The following SORCS1 variants were observed in gnomAD, a reference collection of about 807,000 sequenced individuals.
The protein encoded by SORCS1 is sortilin related VPS10 domain containing receptor 1.
SORCS1 carries 60 observed loss-of-function variants against 146.1 expected under a neutral mutation model. The observed-to-expected ratio is 0.41, with a 90% CI of 0.33 to 0.51. The LOEUF is 0.51. Ranked by LOEUF, SORCS1 falls within the 20% of genes least tolerant of loss-of-function variation. The pLI, the probability that SORCS1 is intolerant of heterozygous loss-of-function variation, is 0.21. For synonymous variants in SORCS1, 637 were observed against 584.0 expected, an observed-to-expected ratio of 1.09 and a Z score of -1.31; for missense variants, 1,352 against 1,487.6, an observed-to-expected ratio of 0.91 and a Z score of 1.50.
intron 5 of SORCS1, among the ~76,000 whole-genome samples, chr10:106,744,009 A>G (rs10786968): frequency 0.23 from 34,239 of 152,054 alleles, 4,925 homozygotes; most frequent in East Asian, 0.49. Context: ...ATATTAGAAC[A>G]CACTGTTTTG....
intron 2 of SORCS1, among the ~76,000 whole-genome samples, chr10:106,839,895 A>C (rs1034766196): frequency 1.2e-4 from 19 of 152,354 alleles, no homozygotes; most frequent in Admixed American, 1.1e-3. Flanking sequence ...ATCTGTTTAC[A>C]GCATGGCTTA....
intron 2 of SORCS1, among the ~76,000 whole-genome samples, chr10:106,948,258 T>C (rs564670873): frequency 1.3e-5 from 2 of 149,918 alleles, no homozygotes; most frequent in African/African-American, 4.9e-5. Context: ...TGAATCTAGG[T>C]GGTATGTAAG....
At chr10:107,071,954 C>A (rs1198136686) in intron 1 of SORCS1, among the ~76,000 whole-genome samples, 1 of 152,144 alleles carries the variant, frequency 6.6e-6, no homozygotes, top group Non-Finnish European at 1.5e-5. Flanking sequence ...AGAGGAGAGA[C>A]CCAATGAGGT....
At chr10:106,651,310 G>A (rs1849845904) in intron 18 of SORCS1, among the ~76,000 whole-genome samples, 1 of 152,140 alleles carries the variant, frequency 6.6e-6, no homozygotes, top group Non-Finnish European at 1.5e-5. Flanking sequence ...TCACACTCCA[G>A]AGCCTCCGAC....
At chr10:107,128,937 A>G (rs751028499) in intron 1 of SORCS1, among the ~76,000 whole-genome samples, 1 of 152,216 alleles carries the variant, frequency 6.6e-6, no homozygotes, top group Non-Finnish European at 1.5e-5. Context: ...TCTTAATAAG[A>G]GGTCTGCCTA....
chr10:106,905,659 A>T (rs1951879693), intron 2 of SORCS1, among the ~76,000 whole-genome samples: 1 of 152,202 alleles, frequency 6.6e-6, no homozygotes, highest in African/African-American at 2.4e-5. Flanking sequence ...TGAGAGGGTT[A>T]GGGCTGTTTT....
chr10:106,882,698 G>T lies in SORCS1; in HGVS notation c.627-53025C>A, dbSNP rs563339906. The stretch of plus-strand genomic sequence containing the variant: ...ACACACATACACACACAATCTATTT[G>T]TGTGGAGGCGGGGACAAAAACACAA... On this transcript the variant is annotated intron_variant, in intron 2 of 25. Coordinates refer to ENST00000263054, the MANE Select transcript of SORCS1 (RefSeq NM_052918.5). Among the ~76,000 whole-genome samples, 679 of 152,206 alleles carry T rather than the reference G, an allele frequency of 4.5e-3. 9 individuals carry two copies. The highest frequency in any genetic ancestry group is 0.01 in the Middle Eastern group (3 of 294).
intron 1 of SORCS1, among the ~76,000 whole-genome samples, chr10:107,121,405 CTCAA>C (rs1966403227): frequency 6.6e-6 from 1 of 152,296 alleles, no homozygotes; most frequent in Admixed American, 6.5e-5. Flanking sequence ...CCCCACTGCT[CTCAA>C]TCAAAGACTT....
chr10:106,782,259 A>G (rs976207991), intron 3 of SORCS1, among the ~76,000 whole-genome samples: 3 of 152,164 alleles, frequency 2.0e-5, no homozygotes, highest in African/African-American at 7.2e-5. Context: ...TTAACGGAAA[A>G]AAACAAGCAT....
At chr10:106,763,034 T>C (rs1212261604) in intron 4 of SORCS1, among the ~76,000 whole-genome samples, 1 of 152,172 alleles carries the variant, frequency 6.6e-6, no homozygotes, top group Non-Finnish European at 1.5e-5. Flanking sequence ...TCTATAAGTT[T>C]AAAGGGAACA....
intron 3 of SORCS1, among the ~76,000 whole-genome samples, chr10:106,826,670 G>A (rs1381656573): frequency 6.6e-6 from 1 of 152,132 alleles, no homozygotes; most frequent in African/African-American, 2.4e-5. Context: ...ATTGATTTGT[G>A]TACCATTGTT....
chr10:107,036,080 A>T (rs2133961177), intron 1 of SORCS1, among the ~76,000 whole-genome samples: 1 of 152,082 alleles, frequency 6.6e-6, no homozygotes, highest in East Asian at 1.9e-4. Context: ...GAGAGAAATT[A>T]AAAGCCCATC....
Position 106,607,187 on chromosome 10 carries a change from C to T in SORCS1, c.3144G>A (p.Arg1048=), listed in dbSNP as rs142651856. Residue 1048 remains arginine (R), a synonymous_variant, in exon 23 of 26, where the codon AGG becomes AGA. Transcript: ENST00000263054. ...PYQDPAGENK[R]STDDLEQISE... ...TCACCTGCTCCAGGTCATCAGTTGA[C>T]CTTTTGTTTTCTCCAGCTGGATCCT... is the stretch of plus-strand genomic sequence containing the variant. 8.4e-5 allele frequency: 136 copies of T among 1,613,908 alleles called. No individual in the cohort carries two copies. In the African/African-American group the frequency reaches 1.7e-3, roughly 21 times the overall value.
chr10:107,112,724 T>C (rs1424849508), intron 1 of SORCS1, among the ~76,000 whole-genome samples: 1 of 152,036 alleles, frequency 6.6e-6, no homozygotes, highest in Non-Finnish European at 1.5e-5. Flanking sequence ...AAAGAGAGCA[T>C]GGGTGGCTAT....
At chr10:106,916,801 G>C (rs1045504705) in intron 2 of SORCS1, among the ~76,000 whole-genome samples, 1 of 151,990 alleles carries the variant, frequency 6.6e-6, no homozygotes, top group African/African-American at 2.4e-5. Flanking sequence ...CCAGGCTGGA[G>C]TGCAGTGGCA....
At chr10:106,976,150 A>G (rs1955988668) in intron 1 of SORCS1, among the ~76,000 whole-genome samples, 1 of 145,524 alleles carries the variant, frequency 6.9e-6, no homozygotes, top group South Asian at 2.3e-4. Context: ...AAAAAAAAAA[A>G]GCCATCTCCT....
chr10:106,873,455 G>T (rs376357530), intron 2 of SORCS1, among the ~76,000 whole-genome samples: 18 of 152,138 alleles, frequency 1.2e-4, no homozygotes, highest in African/African-American at 4.1e-4. Flanking sequence ...TTGAAACCAG[G>T]TATCATTTTC....
At chr10:106,629,445 G>C (rs758590507) in intron 18 of SORCS1, 57 bp from the exon 19 acceptor site, 42 of 1,563,872 alleles carry the variant, frequency 2.7e-5, no homozygotes, top group African/African-American at 5.4e-5. Flanking sequence ...CTCCTGCCTA[G>C]GGGACTGGGG....
intron 5 of SORCS1, among the ~76,000 whole-genome samples, chr10:106,740,377 A>AT (rs1468574359): frequency 5.3e-5 from 8 of 152,154 alleles, no homozygotes; most frequent in Non-Finnish European, 1.0e-4. Context: ...TTCTGAATTA[A>AT]TTTTTTAATG....
Sources: allele counts gnomAD v4.1 joint callset (sites outside exome capture counted in the v4.1 genomes callset), GRCh38; gene constraint gnomAD v4.1.1; transcripts MANE v1.5; gene names NCBI Gene and HGNC (gene_info 2026-07-23, HGNC 2026-07-21).